The following HIPK2 variants were observed in gnomAD, a reference collection of about 807,000 sequenced individuals.
HIPK2 encodes the protein homeodomain interacting protein kinase 2.
HIPK2 carries 27 observed loss-of-function variants against 113.7 expected under a neutral mutation model. The observed-to-expected ratio is 0.24, with a 90% CI of 0.17 to 0.33. The LOEUF is 0.33. Ranked by LOEUF, HIPK2 falls within the 10% of genes least tolerant of loss-of-function variation. The probability of loss-of-function intolerance (pLI) is 1.00; values close to 1 mark genes in which losing one functional copy is unlikely to be tolerated. For synonymous variants in HIPK2, 631 were observed against 642.2 expected (o/e 0.98, Z 0.26); for missense variants, 1,257 against 1,588.0 (o/e 0.79, Z 3.54).
chr7:139,684,196 G>A (rs1794148265), intron 2 of HIPK2, among the ~76,000 whole-genome samples: 1 of 152,100 alleles, frequency 6.6e-6, no homozygotes, highest in Non-Finnish European at 1.5e-5. Flanking sequence ...CATATAAGAT[G>A]GCAAACTTAA....
intron 1 of HIPK2, among the ~76,000 whole-genome samples, chr7:139,733,768 C>T (rs1322428308): frequency 6.6e-6 from 1 of 152,194 alleles, no homozygotes; most frequent in Admixed American, 6.5e-5. Flanking sequence ...TAGAATTAGT[C>T]TTGGCCAAAT....
At chr7:139,623,021 C>T (rs1800289752) in intron 6 of HIPK2, among the ~76,000 whole-genome samples, 1 of 152,168 alleles carries the variant, frequency 6.6e-6, no homozygotes, top group African/African-American at 2.4e-5. Flanking sequence ...GTGCAGACGG[C>T]TAAGAGGACC....
In HIPK2 at chr7:139,711,580, C is replaced by CA. The variant is rs543819126; in HGVS notation, c.1103+4351dup. Among the ~76,000 whole-genome samples the CA allele has an allele frequency of 3.2e-3, 487 of 151,476 alleles. 2 individuals carry two copies. Among genetic ancestry groups the CA allele is most frequent in the African/African-American group, 0.012 (477 of 41,338 alleles). Reference sequence around the variant, plus strand: ...ATTTTGAATAATCCAGAGTAGAAACCAAAAAAAATCTATATATTTTAATCA... The same window carrying CA: ...ATTTTGAATAATCCAGAGTAGAAACCAAAAAAAAATCTATATATTTTAATCA... On this transcript the variant is annotated intron_variant, in intron 2 of 14. Coordinates refer to ENST00000406875, the MANE Select transcript of HIPK2 (RefSeq NM_022740.5).
chr7:139,603,429 G>A (rs769116641), intron 10 of HIPK2, among the ~76,000 whole-genome samples: 6 of 152,162 alleles, frequency 3.9e-5, no homozygotes, highest in Non-Finnish European at 7.3e-5. Context: ...GAAATCATGA[G>A]TTGGGCAGGG....
chr7:139,723,736 A>G (rs1795487593), intron 1 of HIPK2, among the ~76,000 whole-genome samples: 1 of 152,222 alleles, frequency 6.6e-6, no homozygotes, highest in African/African-American at 2.4e-5. Context: ...AAATAAATTG[A>G]ATTCAATTTC....
intron 11 of HIPK2, among the ~76,000 whole-genome samples, chr7:139,598,406 C>T (rs144570215): frequency 1.6e-4 from 25 of 152,210 alleles, no homozygotes; most frequent in African/African-American, 5.8e-4. Flanking sequence ...ATGATTGTAC[C>T]ATTGTTTGTA....
intron 1 of HIPK2, among the ~76,000 whole-genome samples, chr7:139,726,345 ACT>A (rs1250404959): frequency 1.3e-5 from 2 of 151,916 alleles, no homozygotes; most frequent in Non-Finnish European, 2.9e-5. Flanking sequence ...GAAATATAAA[ACT>A]CTGCAGAGGA....
At chr7:139,586,224 T>C (rs1798827480) in intron 12 of HIPK2, among the ~76,000 whole-genome samples, 1 of 152,206 alleles carries the variant, frequency 6.6e-6, no homozygotes, top group Non-Finnish European at 1.5e-5. Flanking sequence ...CACCTCCCAG[T>C]TATGACAGTT....
rs758660941 is a variant in HIPK2, at chr7:139,716,922, T to C, written c.113A>G (p.Asn38Ser). ...VKKLKIEPSS[N>S]WDMTGYGSHS... is the part of the protein sequence containing the mutation. ...GGAGCCGTACCCAGTCATGTCCCAG[T>C]TGGAACTCGGCTCTATTTTCAGTTT... Residue 38 changes from asparagine (N) to serine (S), a missense_variant, in exon 2 of 15, where the codon AAC (asparagine) becomes AGC (serine). Physicochemically the swap from Asn to Ser is conservative, Grantham distance 46. Coordinates refer to ENST00000406875, the MANE Select transcript of HIPK2 (RefSeq NM_022740.5). The surrounding 1 kb of genome is among the most constrained non-coding windows in gnomAD (Gnocchi z 9.3). The C allele has an allele frequency of 6.8e-6, 11 of 1,613,824 alleles. No homozygotes were observed. The African/African-American group carries it at 9.3e-5, about 14-fold the overall frequency.
intron 2 of HIPK2, among the ~76,000 whole-genome samples, chr7:139,638,654 GTCT>G (rs1389031362): frequency 7.8e-4 from 112 of 142,992 alleles, no homozygotes; most frequent in Non-Finnish European, 1.5e-3. Flanking sequence ...GTAAATAATT[GTCT>G]TTTTTTTTTT....
chr7:139,657,205 C>T (rs565228394), intron 2 of HIPK2, among the ~76,000 whole-genome samples: 3 of 152,132 alleles, frequency 2.0e-5, no homozygotes, highest in Non-Finnish European at 4.4e-5. Flanking sequence ...TAGCAGTCCC[C>T]CGACAGCTCA....
intron 1 of HIPK2, among the ~76,000 whole-genome samples, chr7:139,739,073 G>A (rs1358264503): frequency 5.3e-5 from 8 of 152,240 alleles, no homozygotes; most frequent in African/African-American, 1.9e-4. Context: ...GTCCATGAAG[G>A]ACTTGGCTAC....
chr7:139,702,589 G>A (rs1794743052), intron 2 of HIPK2, among the ~76,000 whole-genome samples: 1 of 152,220 alleles, frequency 6.6e-6, no homozygotes, highest in South Asian at 2.1e-4. Context: ...GCTTGAAAAT[G>A]CCCTCAGGAG....
At chr7:139,636,311 C>T (rs1800812008) in intron 2 of HIPK2, among the ~76,000 whole-genome samples, 1 of 151,780 alleles carries the variant, frequency 6.6e-6, no homozygotes, top group South Asian at 2.1e-4. Flanking sequence ...TGTGTGTTGG[C>T]CAAGTCCTAA....
chr7:139,702,075 T>A (rs1030909467), intron 2 of HIPK2, among the ~76,000 whole-genome samples: 28 of 152,196 alleles, frequency 1.8e-4, no homozygotes, highest in Non-Finnish European at 3.2e-4. Flanking sequence ...TTAGGAGGTG[T>A]CTTTTGAGAG....
chr7:139,740,491 C>T (rs1796069520), intron 1 of HIPK2, among the ~76,000 whole-genome samples: 1 of 152,234 alleles, frequency 6.6e-6, no homozygotes, highest in Admixed American at 6.5e-5. Flanking sequence ...GTCTGTGCTC[C>T]TGGTCAAAGC....
In HIPK2 at chr7:139,711,301, G is replaced by A. The variant is rs149542374; in HGVS notation, c.1103+4631C>T. 1.6e-4 allele frequency among the ~76,000 whole-genome samples: 24 copies of A among 152,180 alleles called. No homozygotes were observed. The East Asian group carries it at 4.5e-3, about 28-fold the overall frequency. ...AAATTAGCCAGGCGTGGTCATGGGC[G>A]CCTGTAGTCCCAGCTACTCAGGAGG... On this transcript the variant is annotated intron_variant, in intron 2 of 14. Transcript: ENST00000406875.
At chr7:139,729,092 G>A (rs181363300) in intron 1 of HIPK2, among the ~76,000 whole-genome samples, 44 of 152,298 alleles carry the variant, frequency 2.9e-4, no homozygotes, top group Admixed American at 2.0e-3. Context: ...GGGAGGCCGC[G>A]ATGGGTGGAC....
At chr7:139,721,863 C>T (rs1795421116) in intron 1 of HIPK2, among the ~76,000 whole-genome samples, 1 of 152,208 alleles carries the variant, frequency 6.6e-6, no homozygotes, top group South Asian at 2.1e-4. Flanking sequence ...CCTGCTCCTA[C>T]AGGAATGACC....
Sources: allele counts gnomAD v4.1 joint callset (sites outside exome capture counted in the v4.1 genomes callset), GRCh38; gene constraint gnomAD v4.1.1; non-coding constraint Gnocchi (gnomAD v3.1); transcripts MANE v1.5; gene names NCBI Gene and HGNC (gene_info 2026-07-23, HGNC 2026-07-21).